The following PDE1A variants were observed in gnomAD, a reference collection of about 807,000 sequenced individuals.
PDE1A encodes dual specificity calcium/calmodulin-dependent 3',5'-cyclic nucleotide phosphodiesterase 1A.
In PDE1A, 35 loss-of-function variants were observed where a neutral mutation model predicts 61.7. The observed-to-expected ratio is 0.57, with a 90% CI of 0.43 to 0.75. The LOEUF is 0.75. Among genes scored for constraint, PDE1A ranks in the 30% least tolerant of loss-of-function variants. The probability of loss-of-function intolerance (pLI) is 0.00; values close to 1 mark genes in which losing one functional copy is unlikely to be tolerated. For missense variants in PDE1A, 597 were observed against 630.6 expected, an observed-to-expected ratio of 0.95 and a Z score of 0.57; for synonymous variants, 232 against 213.2, an observed-to-expected ratio of 1.09 and a Z score of -0.77.
At chr2:182,271,607 G>T (rs1047042099) in intron 1 of PDE1A, among the ~76,000 whole-genome samples, 1 of 152,074 alleles carries the variant, frequency 6.6e-6, no homozygotes, top group Non-Finnish European at 1.5e-5. Context: ...AGATCAATTT[G>T]TTTCTCCTTG....
At chr2:182,250,565 TA>T (rs887175757) in intron 2 of PDE1A, among the ~76,000 whole-genome samples, 53 of 152,074 alleles carry the variant, frequency 3.5e-4, no homozygotes, top group African/African-American at 1.1e-3. Context: ...AGCTTTTTTT[TA>T]AAAAAAAGTT....
chr2:182,487,824 A>T (rs1234659541), intron 2 of PDE1A, among the ~76,000 whole-genome samples: 3 of 152,216 alleles, frequency 2.0e-5, no homozygotes, highest in African/African-American at 7.2e-5. Flanking sequence ...AACTGTCATT[A>T]TTAAACCAAA....
intron 1 of PDE1A, among the ~76,000 whole-genome samples, chr2:182,364,493 A>AAAAC (rs1699722282): frequency 6.9e-6 from 1 of 144,790 alleles, no homozygotes; most frequent in African/African-American, 2.5e-5. Context: ...AAAAAAAAAA[A>AAAAC]AAAAAACCTT....
intron 5 of PDE1A, among the ~76,000 whole-genome samples, chr2:182,230,379 T>C (rs1250540484): frequency 6.6e-6 from 1 of 152,172 alleles, no homozygotes; most frequent in Non-Finnish European, 1.5e-5. Flanking sequence ...ATAGCCTTAC[T>C]TGTACTATAG....
At chr2:182,565,512 C>T in the PDE1A span, among the ~76,000 whole-genome samples, 1 of 152,062 alleles carries the variant, frequency 6.6e-6, no homozygotes, top group Non-Finnish European at 1.5e-5. Context: ...GGATCAGGGA[C>T]CCACTTGAGG....
the PDE1A span, among the ~76,000 whole-genome samples, chr2:182,701,628 C>T: frequency 6.6e-6 from 1 of 152,016 alleles, no homozygotes; most frequent in East Asian, 1.9e-4. Context: ...GTGATCCACC[C>T]GCCTCGGCCT....
intron 4 of PDE1A, among the ~76,000 whole-genome samples, chr2:182,234,101 A>G (rs188186656): frequency 1.2e-3 from 188 of 152,312 alleles, no homozygotes; most frequent in African/African-American, 4.4e-3. Context: ...TATATTCATA[A>G]CAAAATATGT....
At chr2:182,332,369 T>C (rs1357321461) in intron 1 of PDE1A, among the ~76,000 whole-genome samples, 3 of 152,180 alleles carry the variant, frequency 2.0e-5, no homozygotes, top group African/African-American at 7.2e-5. Context: ...ATCAAACTCA[T>C]TCTCTGTCCA....
intron 1 of PDE1A, among the ~76,000 whole-genome samples, chr2:182,304,794 AG>A (rs1487479362): frequency 6.6e-6 from 1 of 152,200 alleles, no homozygotes; most frequent in Non-Finnish European, 1.5e-5. Flanking sequence ...CAATTATAAT[AG>A]TAACATCAAA....
At chr2:182,364,547 C>G (rs1699730074) in intron 1 of PDE1A, among the ~76,000 whole-genome samples, 1 of 131,438 alleles carries the variant, frequency 7.6e-6, no homozygotes, top group Non-Finnish European at 1.5e-5. Context: ...GCAGGAAAAG[C>G]TAGTACATAG....
intron 1 of PDE1A, among the ~76,000 whole-genome samples, chr2:182,367,521 CT>C (rs1699903191): frequency 6.6e-6 from 1 of 151,966 alleles, no homozygotes; most frequent in African/African-American, 2.4e-5. Context: ...AATTTGTTCT[CT>C]TAATAAAATG....
intron 2 of PDE1A, among the ~76,000 whole-genome samples, chr2:182,476,362 A>G (rs1687364456): frequency 6.6e-6 from 1 of 151,856 alleles, no homozygotes; most frequent in Non-Finnish European, 1.5e-5. Flanking sequence ...GTGGTGGTAC[A>G]TGCCTGTAAT....
At chr2:182,677,642 C>T in the PDE1A span, among the ~76,000 whole-genome samples, 1 of 152,168 alleles carries the variant, frequency 6.6e-6, no homozygotes, top group Non-Finnish European at 1.5e-5. Context: ...TACAGGGCTA[C>T]AGACAGCATG....
the PDE1A span, among the ~76,000 whole-genome samples, chr2:182,538,561 G>A: frequency 6.6e-6 from 1 of 151,568 alleles, no homozygotes; most frequent in Non-Finnish European, 1.5e-5. Context: ...TGCCATATAA[G>A]GAAAATATCT....
chr2:182,162,830 G>T (rs114448281), intron 13 of PDE1A, among the ~76,000 whole-genome samples: 3,443 of 152,158 alleles, frequency 0.023, 145 homozygotes, highest in African/African-American at 0.079. Flanking sequence ...GAACCCATAA[G>T]GTAGTTATTT....
chr2:182,355,449 A>C (rs1362686981), intron 1 of PDE1A, among the ~76,000 whole-genome samples: 1 of 151,916 alleles, frequency 6.6e-6, no homozygotes, highest in Non-Finnish European at 1.5e-5. Context: ...TGCTATTTTG[A>C]TTTCATAAAA....
At chr2:182,144,953 G>A (rs189826930), downstream of PDE1A, among the ~76,000 whole-genome samples, 1 of 152,202 alleles carries the variant, frequency 6.6e-6, no homozygotes, top group Admixed American at 6.5e-5. Context: ...GATTGGGTGT[G>A]CTGTGTCCTC....
chr2:182,296,062 T>C (rs899313038), intron 1 of PDE1A, among the ~76,000 whole-genome samples: 2 of 152,212 alleles, frequency 1.3e-5, no homozygotes, highest in African/African-American at 4.8e-5. Context: ...TTTCAAGCTT[T>C]CAATTTTAAT....
chr2:182,490,148 G>C (rs1281894790), intron 2 of PDE1A, among the ~76,000 whole-genome samples: 3 of 152,184 alleles, frequency 2.0e-5, no homozygotes, highest in African/African-American at 7.2e-5. Context: ...AGATGGAGAA[G>C]CGAACATTTG....
Sources: allele counts gnomAD v4.1 joint callset (sites outside exome capture counted in the v4.1 genomes callset), GRCh38; gene constraint gnomAD v4.1.1; transcripts MANE v1.5; gene names NCBI Gene and HGNC (gene_info 2026-07-23, HGNC 2026-07-21).